LMBRD1: variants seen among roughly 807,000 people sequenced by gnomAD.
LMBRD1 encodes LMBR1 domain containing 1, also known as lysosomal cobalamin transport escort protein LMBD1.
LMBRD1 carries 64 observed loss-of-function variants against 74.8 expected under a neutral mutation model. That is an observed-to-expected ratio of 0.86 (90% CI 0.70 to 1.05). LMBRD1 has a LOEUF of 1.05. Ranked by LOEUF, LMBRD1 falls within the 50% of genes least tolerant of loss-of-function variation. The pLI is 0.00. For synonymous variants in LMBRD1, 204 were observed against 216.3 expected, an observed-to-expected ratio of 0.94 and a Z score of 0.50; for missense variants, 652 against 645.9, an observed-to-expected ratio of 1.01 and a Z score of -0.10.
chr6:69,733,633 T>TA (rs1325445619), intron 7 of LMBRD1, among the ~76,000 whole-genome samples: 1 of 152,088 alleles, frequency 6.6e-6, no homozygotes, highest in Non-Finnish European at 1.5e-5. Flanking sequence ...CCTCCCTCTA[T>TA]ACACCACAGG....
At chr6:69,697,667 T>C (rs750199311) in intron 13 of LMBRD1, 26 bp from the exon 14 acceptor site, 4 of 1,336,008 alleles carry the variant, frequency 3.0e-6, no homozygotes, top group East Asian at 4.6e-5. Context: ...ACAGTTAAAA[T>C]ATAAAAACCG....
chr6:69,781,521 C>CT (rs36073304), intron 2 of LMBRD1, among the ~76,000 whole-genome samples: 16 of 151,814 alleles, frequency 1.1e-4, no homozygotes, highest in African/African-American at 2.9e-4. Flanking sequence ...TTTCTTTTCT[C>CT]TTTTTTTTGC....
intron 5 of LMBRD1, among the ~76,000 whole-genome samples, chr6:69,747,635 T>C (rs1017277555): frequency 6.6e-6 from 1 of 152,170 alleles, no homozygotes; most frequent in Admixed American, 6.5e-5. Context: ...GTATCTCCTA[T>C]CAGAGCACTT....
At chr6:69,779,737 T>C (rs532453242) in intron 3 of LMBRD1, among the ~76,000 whole-genome samples, 1 of 152,326 alleles carries the variant, frequency 6.6e-6, no homozygotes, top group South Asian at 2.1e-4. Context: ...TCAAGAAGTT[T>C]CAGGATTTTG....
chr6:69,782,288 A>G (rs2149893973), intron 2 of LMBRD1, among the ~76,000 whole-genome samples: 1 of 152,342 alleles, frequency 6.6e-6, no homozygotes, highest in Middle Eastern at 3.4e-3. Context: ...CCCACACAGC[A>G]GGAGCTGTAC....
intron 3 of LMBRD1, among the ~76,000 whole-genome samples, chr6:69,758,181 T>G (rs1765306827): frequency 6.6e-6 from 1 of 152,176 alleles, no homozygotes. Flanking sequence ...TTTTAAATTG[T>G]TAAAAATTTT....
chr6:69,751,579 C>T (rs1352226399), intron 4 of LMBRD1, among the ~76,000 whole-genome samples: 5 of 152,156 alleles, frequency 3.3e-5, no homozygotes, highest in Admixed American at 1.3e-4. Context: ...CCGCCCGCCT[C>T]GGCCTCCCAA....
intron 5 of LMBRD1, among the ~76,000 whole-genome samples, chr6:69,748,979 G>A (rs560888509): frequency 1.1e-4 from 17 of 152,034 alleles, no homozygotes; most frequent in East Asian, 5.8e-4. Context: ...AGAAGGAAAC[G>A]CAATATAGTC....
Position 69,796,827 on chromosome 6 carries a change from C to T in LMBRD1, c.55G>A (p.Gly19Ser), listed in dbSNP as rs1185390785. The part of the protein sequence containing the change: ...AELVIGWCIF[G>S]LLLLAILAFC... Reference sequence around the variant, plus strand: ...GCCTCCCCTACCAGTAGTAAGAGGCCGAATATGCACCAGCCGATCACCAGC... The same window carrying T: ...GCCTCCCCTACCAGTAGTAAGAGGCTGAATATGCACCAGCCGATCACCAGC... The change falls in exon 1 of 16, where the codon GGC (glycine) becomes AGC (serine). Residue 19 changes from glycine (G) to serine (S), a missense_variant. Gly to Ser is a moderately conservative substitution (Grantham distance 56, BLOSUM62 0). Coordinates refer to ENST00000649934, the MANE Select transcript of LMBRD1 (RefSeq NM_018368.4). 1.2e-6 allele frequency: 2 copies of T among 1,613,610 alleles called. No homozygotes were observed. The highest frequency in any genetic ancestry group is 1.3e-5 in the African/African-American group (1 of 74,838).
chr6:69,701,720 A>T (rs866693112), intron 10 of LMBRD1, among the ~76,000 whole-genome samples, 169 bp downstream of exon 10: 4 of 152,082 alleles, frequency 2.6e-5, no homozygotes, highest in Middle Eastern at 3.4e-3. Context: ...GAATAAAGAA[A>T]CACTCTATTA....
At chr6:69,684,280 A>G (rs771559170) in intron 14 of LMBRD1, among the ~76,000 whole-genome samples, 4 of 152,084 alleles carry the variant, frequency 2.6e-5, no homozygotes, top group Non-Finnish European at 4.4e-5. Flanking sequence ...AATACATACC[A>G]AAGAACATAG....
chr6:69,773,753 A>G (rs1396529435), intron 3 of LMBRD1, among the ~76,000 whole-genome samples: 1 of 152,246 alleles, frequency 6.6e-6, no homozygotes, highest in Non-Finnish European at 1.5e-5. Flanking sequence ...TTTTAAATGT[A>G]CATATATAAT....
chr6:69,780,641 A>AAAT, intron 2 of LMBRD1, 87 bp from the exon 3 acceptor site: 1 of 943,066 alleles, frequency 1.1e-6, no homozygotes, highest in Non-Finnish European at 1.7e-6. Context: ...ACTGAATATC[A>AAAT]CTTCCAAAAT....
rs764829837 is a variant in LMBRD1 at position 69,701,943 on chromosome 6, C to A, written c.926G>T (p.Gly309Val). 1 of 1,598,562 alleles carries A rather than the reference C, an allele frequency of 6.3e-7. No homozygotes were observed. Among genetic ancestry groups the A allele is most frequent in the South Asian group, 1.1e-5 (1 of 90,584 alleles). The change falls in exon 10 of 16, where the codon GGA becomes GTA. Residue 309 changes from glycine to valine, a missense_variant. Around this residue, in one of 3 missense-constraint regions of LMBRD1, gnomAD observed 598 missense variants for 581.8 expected, o/e 1.03. Coordinates refer to ENST00000649934, the MANE Select transcript of LMBRD1 (RefSeq NM_018368.4). ...GALRPLKIVWGIFFILVALLF... is the reference protein window; with the variant it reads ...GALRPLKIVWVIFFILVALLF... The stretch of plus-strand genomic sequence containing the variant: ...CAATGCAACTAAGATGAAAAATATT[C>A]CCCAGACGATCTAAAAGCAAAAATA...
intron 14 of LMBRD1, among the ~76,000 whole-genome samples, chr6:69,686,480 T>C (rs530387276): frequency 6.6e-6 from 1 of 152,294 alleles, no homozygotes; most frequent in Non-Finnish European, 1.5e-5. Context: ...AAAAAAGAAA[T>C]GTATAACCTT....
intron 14 of LMBRD1, among the ~76,000 whole-genome samples, chr6:69,684,468 T>C (rs1343499564): frequency 6.6e-6 from 1 of 151,876 alleles, no homozygotes; most frequent in Non-Finnish European, 1.5e-5. Context: ...AAAATGAAAG[T>C]AGGAGATAAT....
In LMBRD1 at chr6:69,676,012, A is replaced by C; in HGVS notation, c.*146T>G. Reference sequence around the variant, plus strand: ...ATCTATGATACAATGTTACTTCAGAAAACATATAATAAAATATAGTTGTCT... The same window carrying C: ...ATCTATGATACAATGTTACTTCAGACAACATATAATAAAATATAGTTGTCT... On this transcript the variant is annotated 3_prime_UTR_variant, in exon 16 of 16. Coordinates refer to ENST00000649934, the MANE Select transcript of LMBRD1 (RefSeq NM_018368.4). 1.5e-6 allele frequency: 1 copy of C among 668,444 alleles called. No individual in the cohort carries two copies. Among genetic ancestry groups the C allele is most frequent in the Non-Finnish European group, 2.7e-6 (1 of 375,864 alleles). 41.4% of individuals were successfully genotyped at this position (668,444 alleles called of 1,614,324 possible).
intron 7 of LMBRD1, among the ~76,000 whole-genome samples, chr6:69,737,312 A>G (rs905354945): frequency 1.3e-5 from 2 of 152,054 alleles, no homozygotes; most frequent in Admixed American, 1.3e-4. Flanking sequence ...CTACAATGTG[A>G]GCAAAAGACT....
chr6:69,692,010 T>C (rs527765860), intron 14 of LMBRD1, among the ~76,000 whole-genome samples: 5 of 152,280 alleles, frequency 3.3e-5, no homozygotes, highest in South Asian at 2.1e-4. Context: ...TAATGTAAGA[T>C]ATCAATACAC....
Sources: allele counts gnomAD v4.1 joint callset (sites outside exome capture counted in the v4.1 genomes callset), GRCh38; gene constraint gnomAD v4.1.1; regional missense constraint gnomAD v4.1.1; transcripts MANE v1.5; gene names NCBI Gene and HGNC (gene_info 2026-07-23, HGNC 2026-07-21).